Variants in TMEM54 observed in about 807,000 individuals in gnomAD.
The protein encoded by TMEM54 is transmembrane protein 54.
A neutral mutation model predicts 21.3 loss-of-function variants in TMEM54; 21 were observed. That is an observed-to-expected ratio of 0.99 (90% CI 0.70 to 1.42). The LOEUF is 1.42. TMEM54 is among the 40% of genes most tolerant of loss of function. The pLI is 0.00. For synonymous variants in TMEM54, 109 were observed against 125.0 expected (o/e 0.87, Z 0.86); for missense variants, 246 against 294.0 (o/e 0.84, Z 1.19).
In TMEM54 at chr1:32,899,714, A is replaced by C. The variant is rs1389757518; in HGVS notation, c.17-1395T>G. ...AGAGCCAGAGACCCCGTCTAAAAAA[A>C]ATGAAATCTCTACACTGGACGCTCT... On this transcript the variant is annotated intron_variant, in intron 1 of 5. Transcript: ENST00000373463. Among the ~76,000 whole-genome samples, 3 of 152,276 alleles carry C rather than the reference A, an allele frequency of 2.0e-5. No individual in the cohort carries two copies. In the East Asian group the frequency reaches 5.8e-4, roughly 29 times the overall value.
At chr1:32,900,761 C>A (rs1470557530) in intron 1 of TMEM54, among the ~76,000 whole-genome samples, 1 of 152,226 alleles carries the variant, frequency 6.6e-6, no homozygotes. Flanking sequence ...CACATTAGTC[C>A]CGCTCCCCCG....
rs1641620575 is a variant in TMEM54, at chr1:32,897,157, A to C, written c.210+969T>G. Among the ~76,000 whole-genome samples the C allele has an allele frequency of 2.0e-5, 3 of 152,120 alleles. No individual in the cohort carries two copies. ...ATTAGAGGAACTCCAAGGACCCTGC[A>C]CACATCCGCCCATCCCAGCCCTGTC... On this transcript the variant is annotated intron_variant, in intron 2 of 5. Transcript: ENST00000373463. The surrounding 1 kb of genome is among the most constrained non-coding windows in gnomAD (Gnocchi z 4.9).
At chr1:32,899,042 G>A (rs943628393) in intron 1 of TMEM54, among the ~76,000 whole-genome samples, 2 of 152,210 alleles carry the variant, frequency 1.3e-5, no homozygotes, top group African/African-American at 2.4e-5. Flanking sequence ...AGGATGGAGT[G>A]AGTGGGGGAA....
Position 32,898,253 on chromosome 1 carries a change from C to CCCAGCACCA in TMEM54, c.74_82dup (p.Val25_Leu27dup), listed in dbSNP as rs760499205. 9.9e-6 allele frequency: 16 copies of CCCAGCACCA among 1,613,396 alleles called. No individual in the cohort carries two copies. In the East Asian group the frequency reaches 3.6e-4, roughly 36 times the overall value. On this transcript the variant is annotated inframe_insertion, in exon 2 of 6. Transcript: ENST00000373463. The stretch of plus-strand genomic sequence containing the variant: ...GGCAGCTGTGATGAAGCTCACATGG[C>CCCAGCACCA]CCAGCACCACCAGCACCAGGCCTGT...
At position 32,895,540 on chromosome 1, in the gene TMEM54, G is replaced by A. The variant is rs781344548; in HGVS notation, c.459+15C>T. The A allele has an allele frequency of 1.9e-6, 3 of 1,592,468 alleles. No individual in the cohort carries two copies. Among genetic ancestry groups the A allele is most frequent in the Non-Finnish European group, 2.6e-6 (3 of 1,168,688 alleles). On this transcript the variant is annotated intron_variant, in intron 4 of 5. Coordinates refer to ENST00000373463, the MANE Select transcript of TMEM54 (RefSeq NM_033504.4). This position sits in a 1 kb window ranked among gnomAD's most constrained non-coding sequence, Gnocchi z 5.8. The stretch of plus-strand genomic sequence containing the variant: ...GCGAGGGCCTGGTGCCCCTACTCCA[G>A]GCCTAGGTACTCACATAAATGCGTG...
Position 32,895,396 on chromosome 1 carries a change from A to T in TMEM54, c.503T>A (p.Val168Glu). 1 of 1,614,022 alleles carries T rather than the reference A, an allele frequency of 6.2e-7. No individual in the cohort carries two copies. The highest frequency in any genetic ancestry group is 8.5e-7 in the Non-Finnish European group (1 of 1,179,952). Reference sequence around the variant, plus strand: ...GCGTACAGCAAACACGTTCTCCGCCACGCAGAGCACTAGGGCGATGCCCCA... The same window carrying T: ...GCGTACAGCAAACACGTTCTCCGCCTCGCAGAGCACTAGGGCGATGCCCCA... Reference protein sequence around the residue: ...CLWGIALVLCVAENVFAVRCA... With the variant: ...CLWGIALVLCEAENVFAVRCA... Residue 168 changes from valine to glutamate, a missense_variant, in exon 5 of 6, where the codon GTG (valine) becomes GAG (glutamate). Val to Glu is a moderately radical substitution (Grantham distance 121). Transcript: ENST00000373463. The surrounding 1 kb of genome is among the most constrained non-coding windows in gnomAD (Gnocchi z 5.8).
Position 32,897,832 on chromosome 1 carries a change from A to C in TMEM54, c.210+294T>G. The C allele has an allele frequency of 3.3e-6, 1 of 299,218 alleles. No individual in the cohort carries two copies. The allele number at this position is 299,218 out of a possible 1,614,324, so 18.5% of individuals were successfully genotyped here. On this transcript the variant is annotated intron_variant, in intron 2 of 5. Coordinates refer to ENST00000373463, the MANE Select transcript of TMEM54 (RefSeq NM_033504.4). The surrounding 1 kb of genome is among the most constrained non-coding windows in gnomAD (Gnocchi z 4.9). ...GTGGCTATTCCTCGATGTAATAATCATCCTAGCTCACAGTAGTGGGTGCTA... is the reference window on the plus strand; with the variant it reads ...GTGGCTATTCCTCGATGTAATAATCCTCCTAGCTCACAGTAGTGGGTGCTA...
chr1:32,896,089 A>C lies in TMEM54; in HGVS notation c.211-120T>G. ...CAACCATTGCCCTCCAGACTCCCCC[A>C]CCCCTCACCTGCTGCTTAGCCTGGG... On this transcript the variant is annotated intron_variant, in intron 2 of 5. Transcript: ENST00000373463. This position sits in a 1 kb window ranked among gnomAD's most constrained non-coding sequence, Gnocchi z 4.1. 1.9e-6 allele frequency: 2 copies of C among 1,026,224 alleles called. No homozygotes were observed. Among genetic ancestry groups the C allele is most frequent in the South Asian group, 1.7e-5 (1 of 59,382 alleles). 63.6% of individuals were successfully genotyped at this position (1,026,224 alleles called of 1,614,324 possible).
At position 32,895,366 on chromosome 1, in the gene TMEM54, G is replaced by C. The variant is rs560592488; in HGVS notation, c.533C>G (p.Ala178Gly). 6.2e-7 allele frequency: 1 copy of C among 1,614,090 alleles called. No individual in the cohort carries two copies. Among genetic ancestry groups the C allele is most frequent in the South Asian group, 1.1e-5 (1 of 91,076 alleles). ...VAENVFAVRC[A>G]QLTHQLLELR... ...CTCCAGCAGCTGGTGGGTGAGCTGAGCACAGCGTACAGCAAACACGTTCTC... is the reference window on the plus strand; with the variant it reads ...CTCCAGCAGCTGGTGGGTGAGCTGACCACAGCGTACAGCAAACACGTTCTC... The change falls in exon 5 of 6, where the codon GCT becomes GGT. Residue 178 changes from alanine (A) to glycine (G), a missense_variant. By Grantham distance (60) the Ala-to-Gly change is moderately conservative. Coordinates refer to ENST00000373463, the MANE Select transcript of TMEM54 (RefSeq NM_033504.4). The surrounding 1 kb of genome is among the most constrained non-coding windows in gnomAD (Gnocchi z 5.8).
rs545549618 is a variant in TMEM54, at chr1:32,900,016, A to C, written c.16+1207T>G. On this transcript the variant is annotated intron_variant, in intron 1 of 5. Transcript: ENST00000373463. ...GACTGGAATAGCATTGTGAAGATGG[A>C]CTGCCAGCCAAGCAGGAAGGGGCAT... 6.6e-5 allele frequency among the ~76,000 whole-genome samples: 10 copies of C among 152,246 alleles called. 1 individual carries two copies. The highest frequency in any genetic ancestry group is 2.4e-4 in the African/African-American group (10 of 41,544).
rs1183992691 is a variant in TMEM54 at position 32,896,018 on chromosome 1, G to A, written c.211-49C>T. ...CCTGACTCCTTGGCTGGAGGAACAG[G>A]GGCAGGGGGATCAGGGCCACTCTGG... is the stretch of plus-strand genomic sequence containing the variant. On this transcript the variant is annotated intron_variant, in intron 2 of 5. Coordinates refer to ENST00000373463, the MANE Select transcript of TMEM54 (RefSeq NM_033504.4). This position sits in a 1 kb window ranked among gnomAD's most constrained non-coding sequence, Gnocchi z 4.1. 1.9e-6 allele frequency: 3 copies of A among 1,589,744 alleles called. No homozygotes were observed. Among genetic ancestry groups the A allele is most frequent in the Non-Finnish European group, 1.7e-6 (2 of 1,166,678 alleles).
rs1053522 is a variant in TMEM54 at position 32,894,742 on chromosome 1, G to A, written c.*63C>T. ...GGCCAGCTCCAGGAATCCTGGCCTG[G>A]TCACAGAGCAGAGTTGCTTGCAGGG... On this transcript the variant is annotated 3_prime_UTR_variant, in exon 6 of 6. Transcript: ENST00000373463. 61,144 of 1,577,300 alleles carry A rather than the reference G, an allele frequency of 0.039. 1,930 individuals carry two copies. Among genetic ancestry groups the A allele is most frequent in the Admixed American group, 0.16 (9,494 of 58,874 alleles).
Position 32,895,644 on chromosome 1 carries a change from C to A in TMEM54, c.370G>T (p.Gly124Cys). Residue 124 changes from glycine to cysteine, a missense_variant, in exon 4 of 6, where the codon GGC (glycine) becomes TGC (cysteine). Physicochemically the swap from Gly to Cys is radical, Grantham distance 159 (BLOSUM62 -3). Transcript: ENST00000373463. The surrounding 1 kb of genome is among the most constrained non-coding windows in gnomAD (Gnocchi z 5.8). ...GTGCAGGCAGCCAGCAGTGCCTTGC[C>A]CTGGGTGGCAAAGGTCATGGCGATG... The part of the protein sequence containing the change: ...ASIAMTFATQ[G>C]KALLAACTFG... The A allele has an allele frequency of 1.3e-6, 2 of 1,565,242 alleles. No homozygotes were observed. Among genetic ancestry groups the A allele is most frequent in the Admixed American group, 1.9e-5 (1 of 51,822 alleles).
At chr1:32,899,498 A>C (rs1166010650) in intron 1 of TMEM54, among the ~76,000 whole-genome samples, 2 of 152,118 alleles carry the variant, frequency 1.3e-5, no homozygotes, top group Non-Finnish European at 2.9e-5. Context: ...CCAGGAGTTC[A>C]AGACCAGCCT....
Position 32,897,722 on chromosome 1 carries a change from C to T in TMEM54, c.210+404G>A. 6.3e-6 allele frequency: 1 copy of T among 159,296 alleles called. No individual in the cohort carries two copies. Among genetic ancestry groups the T allele is most frequent in the Non-Finnish European group, 1.4e-5 (1 of 72,960 alleles). The allele number at this position is 159,296 out of a possible 1,614,324, so 9.9% of individuals were successfully genotyped here. The stretch of plus-strand genomic sequence containing the variant: ...GTGAACTCCTGCTCATCCATCAATA[C>T]CCAGGTCAGAGGCCTGCACTCTGTG... On this transcript the variant is annotated intron_variant, in intron 2 of 5. Coordinates refer to ENST00000373463, the MANE Select transcript of TMEM54 (RefSeq NM_033504.4). The surrounding 1 kb of genome is among the most constrained non-coding windows in gnomAD (Gnocchi z 4.9).
Position 32,896,454 on chromosome 1 carries a change from T to C in TMEM54, c.211-485A>G, listed in dbSNP as rs1413370496. Among the ~76,000 whole-genome samples, 1 of 152,256 alleles carries C rather than the reference T, an allele frequency of 6.6e-6. No homozygotes were observed. The highest frequency in any genetic ancestry group is 1.5e-5 in the Non-Finnish European group (1 of 68,046). On this transcript the variant is annotated intron_variant, in intron 2 of 5. Coordinates refer to ENST00000373463, the MANE Select transcript of TMEM54 (RefSeq NM_033504.4). The surrounding 1 kb of genome is among the most constrained non-coding windows in gnomAD (Gnocchi z 4.1). ...TGACCAGATCCCAGCCCCAACCCTG[T>C]TGGCTTCTCAGCCCTACCTGGGCTA...
At chr1:32,900,030 A>G (rs1406830758) in intron 1 of TMEM54, among the ~76,000 whole-genome samples, 1 of 152,192 alleles carries the variant, frequency 6.6e-6, no homozygotes, top group African/African-American at 2.4e-5. Flanking sequence ...CCAGCCAAGC[A>G]GGAAGGGGCA....
At position 32,897,881 on chromosome 1, in the gene TMEM54, T is replaced by C; in HGVS notation, c.210+245A>G. The C allele has an allele frequency of 2.3e-6, 1 of 432,734 alleles. No homozygotes were observed. The allele number at this position is 432,734 out of a possible 1,614,324, so 26.8% of individuals were successfully genotyped here. A position where few individuals can be genotyped will look rare whatever the true frequency, so the allele number is the denominator to read the frequency against. ...TAACAACATGCCATGCCAGACACTC[T>C]GCTAAGCACTTTGTGTGGATGATCT... On this transcript the variant is annotated intron_variant, in intron 2 of 5. Transcript: ENST00000373463. This position sits in a 1 kb window ranked among gnomAD's most constrained non-coding sequence, Gnocchi z 4.9.
chr1:32,895,079 C>G lies in TMEM54; in HGVS notation c.595-200G>C. The G allele has an allele frequency of 6.0e-6, 5 of 833,634 alleles. No individual in the cohort carries two copies. The highest frequency in any genetic ancestry group is 7.2e-6 in the Non-Finnish European group (5 of 691,432). 51.6% of individuals were successfully genotyped at this position (833,634 alleles called of 1,614,324 possible). On this transcript the variant is annotated intron_variant, in intron 5 of 5. Coordinates refer to ENST00000373463, the MANE Select transcript of TMEM54 (RefSeq NM_033504.4). This position sits in a 1 kb window ranked among gnomAD's most constrained non-coding sequence, Gnocchi z 5.8. ...AGCCCAGACACCCCTGCCCCTCCCTCAAGACTCATCCTGGGCCCTAGGAGA... is the reference window on the plus strand; with the variant it reads ...AGCCCAGACACCCCTGCCCCTCCCTGAAGACTCATCCTGGGCCCTAGGAGA...
Sources: gnomAD v4.1 joint callset for allele counts (sites outside exome capture counted in the v4.1 genomes callset) on GRCh38, gnomAD v4.1.1 for gene constraint, Gnocchi (gnomAD v3.1) non-coding constraint, MANE v1.5 for transcripts, NCBI Gene and HGNC (gene_info 2026-07-23, HGNC 2026-07-21) for gene names.